PTCHD4: variants seen among roughly 807,000 people sequenced by gnomAD.
The protein encoded by PTCHD4 is patched domain-containing protein 4.
PTCHD4 carries 33 observed loss-of-function variants against 58.1 expected under a neutral mutation model. The ratio of observed to expected loss-of-function variants is 0.57; its 90% CI spans 0.43 to 0.76. The LOEUF (loss-of-function observed/expected upper bound fraction) is 0.76, where lower values mean the gene tolerates loss of function less well. Ranked by LOEUF, PTCHD4 falls within the 30% of genes least tolerant of loss-of-function variation. The pLI, the probability that PTCHD4 is intolerant of heterozygous loss-of-function variation, is 0.00. For missense variants in PTCHD4, 1,058 were observed against 1,027.1 expected, an observed-to-expected ratio of 1.03 and a Z score of -0.41; for synonymous variants, 478 against 409.6, an observed-to-expected ratio of 1.17 and a Z score of -2.02.
intron 3 of PTCHD4, among the ~76,000 whole-genome samples, chr6:48,057,029 G>T (rs1764430955): frequency 6.6e-6 from 1 of 151,976 alleles, no homozygotes; most frequent in African/African-American, 2.4e-5. Context: ...AATTTAACTG[G>T]GTGTCCTGTA....
chr6:48,051,244 G>T (rs772293998), intron 3 of PTCHD4, among the ~76,000 whole-genome samples: 1 of 151,758 alleles, frequency 6.6e-6, no homozygotes. Flanking sequence ...ACCCAAATAG[G>T]CATGAAGTCA....
chr6:47,976,758 T>C (rs764668108), intron 4 of PTCHD4, among the ~76,000 whole-genome samples: 1 of 151,770 alleles, frequency 6.6e-6, no homozygotes, highest in Non-Finnish European at 1.5e-5. Flanking sequence ...GGAAAGAATA[T>C]AAATAGATAA....
At chr6:47,913,989 T>G (rs1256838715) in intron 4 of PTCHD4, among the ~76,000 whole-genome samples, 1 of 152,152 alleles carries the variant, frequency 6.6e-6, no homozygotes, top group East Asian at 1.9e-4. Context: ...GATGTACAAG[T>G]GTTAACATAA....
At chr6:47,909,520 A>G (rs1764999795) in intron 4 of PTCHD4, among the ~76,000 whole-genome samples, 1 of 152,154 alleles carries the variant, frequency 6.6e-6, no homozygotes, top group Admixed American at 6.6e-5. Context: ...GTTAAGATGC[A>G]CACTGTAACC....
In PTCHD4 at chr6:47,859,233, A is replaced by T. The variant is rs1181715760; in HGVS notation, c.*19070T>A. 1.3e-5 allele frequency among the ~76,000 whole-genome samples: 2 copies of T among 152,022 alleles called. No individual in the cohort carries two copies. Among genetic ancestry groups the T allele is most frequent in the Non-Finnish European group, 2.9e-5 (2 of 67,974 alleles). ...CCCATTTAAGGATGTGGCTGCCATG[A>T]TAATCTTTCACTTGTTCAGCAGTAT... On this transcript the variant is annotated 3_prime_UTR_variant, in exon 5 of 5. Transcript: ENST00000339488.
rs747174834 is a variant in PTCHD4 at position 47,878,830 on chromosome 6, A to G, written c.2005T>C (p.Leu669=). The G allele has an allele frequency of 6.2e-6, 10 of 1,613,690 alleles. No individual in the cohort carries two copies. In the Middle Eastern group the frequency reaches 6.6e-4, roughly 106 times the overall value. Residue 669 remains leucine (L), a synonymous_variant, in exon 5 of 5, where the codon TTA becomes CTA. Coordinates refer to ENST00000339488, the MANE Select transcript of PTCHD4 (RefSeq NM_001384253.1). ...LIAGFGVLLV[L]ILTFFLVIHP... Reference sequence around the variant, plus strand: ...ATCACTAGGAAAAAAGTCAGGATTAACACCAGGAGAACACCAAAGCCTGCA... The same window carrying G: ...ATCACTAGGAAAAAAGTCAGGATTAGCACCAGGAGAACACCAAAGCCTGCA...
rs1484767559 is a variant in PTCHD4 at position 47,870,040 on chromosome 6, A to G, written c.*8263T>C. ...GACCTCATATTTGACCCTAAGAACT[A>G]TAGAATATACACCTGTATAATTTAT... On this transcript the variant is annotated 3_prime_UTR_variant, in exon 5 of 5. Coordinates refer to ENST00000339488, the MANE Select transcript of PTCHD4 (RefSeq NM_001384253.1). Among the ~76,000 whole-genome samples, 3 of 151,698 alleles carry G rather than the reference A, an allele frequency of 2.0e-5. No individual in the cohort carries two copies. The highest frequency in any genetic ancestry group is 3.0e-5 in the Non-Finnish European group (2 of 67,744).
At chr6:48,008,610 A>G (rs1425855802) in intron 4 of PTCHD4, 24 bp downstream of exon 4, 11 of 1,602,170 alleles carry the variant, frequency 6.9e-6, no homozygotes, top group Non-Finnish European at 8.5e-6. Context: ...TAAGAATCCG[A>G]TTACCACAAG....
At chr6:48,074,647 C>T (rs144768819) in intron 1 of PTCHD4, among the ~76,000 whole-genome samples, 222 of 152,246 alleles carry the variant, frequency 1.5e-3, no homozygotes, top group Non-Finnish European at 2.1e-3. Context: ...CACATTGTCA[C>T]GGGGGAGTTT....
At position 47,858,851 on chromosome 6, in the gene PTCHD4, A is replaced by T. The variant is rs1763357084; in HGVS notation, c.*19452T>A. 6.6e-6 allele frequency among the ~76,000 whole-genome samples: 1 copy of T among 152,084 alleles called. No individual in the cohort carries two copies. Reference sequence around the variant, plus strand: ...CACATTTGTACAGAATATGCTTCCTATAATCCTTCTTGAATCTATGAATTT... The same window carrying T: ...CACATTTGTACAGAATATGCTTCCTTTAATCCTTCTTGAATCTATGAATTT... On this transcript the variant is annotated 3_prime_UTR_variant, in exon 5 of 5. Transcript: ENST00000339488.
At chr6:48,048,009 G>T (rs1764098053) in intron 3 of PTCHD4, among the ~76,000 whole-genome samples, 1 of 104,220 alleles carries the variant, frequency 9.6e-6, no homozygotes, top group Non-Finnish European at 1.9e-5. Flanking sequence ...TATAAAATAA[G>T]CATTCTAGTA....
At chr6:48,070,720 T>A (rs1209245709) in intron 1 of PTCHD4, among the ~76,000 whole-genome samples, 1 of 152,214 alleles carries the variant, frequency 6.6e-6, no homozygotes, top group Admixed American at 6.5e-5. Context: ...AAACTCAATC[T>A]CTTTGCCACA....
chr6:48,067,528 C>A (rs760894283), intron 3 of PTCHD4, among the ~76,000 whole-genome samples: 61 of 152,174 alleles, frequency 4.0e-4, no homozygotes, highest in Non-Finnish European at 6.6e-4. Context: ...CCATACACAT[C>A]ATTCCTGGAA....
At chr6:48,047,287 C>T (rs1764069794) in intron 3 of PTCHD4, among the ~76,000 whole-genome samples, 2 of 151,612 alleles carry the variant, frequency 1.3e-5, no homozygotes. Context: ...CCAAGAAAAT[C>T]CCCCTCTAAT....
chr6:47,990,252 A>C (rs1561993749), intron 4 of PTCHD4, among the ~76,000 whole-genome samples: 1 of 152,206 alleles, frequency 6.6e-6, no homozygotes, highest in Non-Finnish European at 1.5e-5. Context: ...GCCTTGTCTC[A>C]GATGAGACTT....
intron 4 of PTCHD4, among the ~76,000 whole-genome samples, chr6:47,985,942 T>C (rs1768050261): frequency 6.6e-6 from 1 of 151,854 alleles, no homozygotes; most frequent in Non-Finnish European, 1.5e-5. Context: ...CAGCCTATAT[T>C]GAACTGAGTA....
chr6:47,994,373 A>G (rs1473156195), intron 4 of PTCHD4, among the ~76,000 whole-genome samples: 1 of 152,178 alleles, frequency 6.6e-6, no homozygotes, highest in African/African-American at 2.4e-5. Flanking sequence ...ATAATTTAAA[A>G]TTCCTCCTAT....
chr6:48,033,169 A>G (rs752380753), intron 3 of PTCHD4, among the ~76,000 whole-genome samples: 1 of 152,068 alleles, frequency 6.6e-6, no homozygotes, highest in Non-Finnish European at 1.5e-5. Flanking sequence ...TCATCTCTCA[A>G]AGGTTACTCT....
Position 47,997,748 on chromosome 6 carries a change from C to A in PTCHD4, c.898+10886G>T, listed in dbSNP as rs13197205. Among the ~76,000 whole-genome samples, 567 of 152,240 alleles carry A rather than the reference C, an allele frequency of 3.7e-3. 1 individual carries two copies. Among genetic ancestry groups the A allele is most frequent in the Non-Finnish European group, 6.5e-3 (439 of 67,992 alleles). On this transcript the variant is annotated intron_variant, in intron 4 of 4. Transcript: ENST00000339488. ...AACAACTATGATACACAAACACTTG[C>A]TGCAAATATAAGCCACCATGTTCCA...
Sources: gnomAD v4.1 joint callset for allele counts (sites outside exome capture counted in the v4.1 genomes callset) on GRCh38, gnomAD v4.1.1 for gene constraint, MANE v1.5 for transcripts, NCBI Gene and HGNC (gene_info 2026-07-23, HGNC 2026-07-21) for gene names.